Variants in CHL1 observed in about 807,000 individuals in gnomAD.
The protein encoded by CHL1 is cell adhesion molecule L1 like.
In CHL1, 96 loss-of-function variants were observed where a neutral mutation model predicts 141.9. That is an observed-to-expected ratio of 0.68 (90% CI 0.57 to 0.80). The LOEUF is 0.80. CHL1 is among the 30% of genes least tolerant of loss of function. The probability of loss-of-function intolerance (pLI) is 0.00; values close to 1 mark genes in which losing one functional copy is unlikely to be tolerated. For missense variants in CHL1, 1,820 were observed against 1,457.2 expected, an observed-to-expected ratio of 1.25 and a Z score of -4.05; for synonymous variants, 613 against 502.2, an observed-to-expected ratio of 1.22 and a Z score of -2.95.
intron 5 of CHL1, among the ~76,000 whole-genome samples, chr3:330,389 T>C (rs908289261): frequency 4.6e-5 from 7 of 152,008 alleles, no homozygotes; most frequent in Admixed American, 4.6e-4. Context: ...ACATAAAGGA[T>C]GAAAATTAAT....
At chr3:345,405 A>G (rs1431889519) in intron 9 of CHL1, among the ~76,000 whole-genome samples, 1 of 152,160 alleles carries the variant, frequency 6.6e-6, no homozygotes, top group African/African-American at 2.4e-5. Context: ...TCAAAATCTA[A>G]TTAAGTGAAC....
chr3:371,283 G>C (rs1348046405), intron 15 of CHL1, among the ~76,000 whole-genome samples: 3 of 152,156 alleles, frequency 2.0e-5, no homozygotes, highest in Non-Finnish European at 4.4e-5. Context: ...ATGAATCTGG[G>C]TGCTCCTGTA....
chr3:224,226 T>C (rs1258699912), intron 1 of CHL1, among the ~76,000 whole-genome samples: 1 of 152,126 alleles, frequency 6.6e-6, no homozygotes, highest in Non-Finnish European at 1.5e-5. Context: ...ATCCTTGTTT[T>C]AAAGTTAAAC....
intron 18 of CHL1, 40 bp downstream of exon 18, chr3:382,711 G>GT: frequency 6.5e-7 from 1 of 1,548,534 alleles, no homozygotes; most frequent in Non-Finnish European, 8.9e-7. Context: ...CAAAATATTT[G>GT]TTTGTCCCCA....
chr3:326,101 C>T (rs368140714), intron 4 of CHL1, 37 bp downstream of exon 4: 51 of 1,281,388 alleles, frequency 4.0e-5, no homozygotes, highest in East Asian at 2.1e-4. Context: ...TCTTTAAATG[C>T]GTGCTGTTCT....
chr3:241,631 G>C (rs1420439009), intron 1 of CHL1, among the ~76,000 whole-genome samples: 1 of 150,952 alleles, frequency 6.6e-6, no homozygotes, highest in Non-Finnish European at 1.5e-5. Context: ...AATTTAACTA[G>C]TTTTTTTGTG....
At chr3:359,780 A>G (rs1429712397) in intron 11 of CHL1, among the ~76,000 whole-genome samples, 2 of 152,226 alleles carry the variant, frequency 1.3e-5, no homozygotes, top group East Asian at 1.9e-4. Context: ...ATAGTGAAGC[A>G]AGGCAAATGA....
At chr3:336,672 C>A (rs1441818236) in intron 5 of CHL1, among the ~76,000 whole-genome samples, 2 of 152,138 alleles carry the variant, frequency 1.3e-5, no homozygotes, top group Admixed American at 1.3e-4. Flanking sequence ...GGGCTAGAAC[C>A]TAGTTTATGC....
intron 3 of CHL1, among the ~76,000 whole-genome samples, chr3:323,812 C>A (rs566655449): frequency 2.1e-3 from 314 of 152,168 alleles, no homozygotes; most frequent in Non-Finnish European, 3.7e-3. Flanking sequence ...CTGCAGTGAG[C>A]AATGATCCTG....
chr3:268,109 AC>A (rs1273688035), intron 2 of CHL1, among the ~76,000 whole-genome samples: 6 of 152,232 alleles, frequency 3.9e-5, no homozygotes, highest in Non-Finnish European at 7.3e-5. Context: ...TTCAATAGAT[AC>A]AATCCTTTAC....
chr3:332,775 T>C (rs901318830), intron 5 of CHL1, among the ~76,000 whole-genome samples: 6 of 152,172 alleles, frequency 3.9e-5, no homozygotes, highest in Non-Finnish European at 8.8e-5. Flanking sequence ...TTAAACTGTA[T>C]ATTACATTTA....
At chr3:305,416 T>A (rs1018486649) in intron 2 of CHL1, among the ~76,000 whole-genome samples, 1 of 152,060 alleles carries the variant, frequency 6.6e-6, no homozygotes, top group Admixed American at 6.5e-5. Flanking sequence ...AATGTTGACA[T>A]GATTAAGAAC....
At chr3:289,977 C>T (rs1240925135) in intron 2 of CHL1, among the ~76,000 whole-genome samples, 1 of 146,150 alleles carries the variant, frequency 6.8e-6, no homozygotes, top group Non-Finnish European at 1.5e-5. Flanking sequence ...CTCTATCACC[C>T]AGGGTGGAGT....
At chr3:256,945 C>A (rs761235344) in intron 2 of CHL1, among the ~76,000 whole-genome samples, 2 of 152,140 alleles carry the variant, frequency 1.3e-5, no homozygotes, top group African/African-American at 2.4e-5. Context: ...GGTTGCCTTT[C>A]CATGGAAATT....
intron 2 of CHL1, among the ~76,000 whole-genome samples, chr3:316,572 A>G (rs963913947): frequency 6.6e-6 from 1 of 152,000 alleles, no homozygotes; most frequent in Non-Finnish European, 1.5e-5. Flanking sequence ...ATCTGAGTTG[A>G]TATCATTAAT....
At chr3:401,975 G>A (rs898121635) in intron 27 of CHL1, among the ~76,000 whole-genome samples, 8 of 152,254 alleles carry the variant, frequency 5.3e-5, no homozygotes, top group African/African-American at 1.7e-4. Flanking sequence ...TCTATTTGGG[G>A]TAGCTAAAAC....
At chr3:239,442 G>A (rs1372244253) in intron 1 of CHL1, among the ~76,000 whole-genome samples, 1 of 152,150 alleles carries the variant, frequency 6.6e-6, no homozygotes, top group East Asian at 1.9e-4. Flanking sequence ...TCTTTTGACA[G>A]ACACTGTGGT....
At chr3:256,377 T>A (rs1257751088) in intron 2 of CHL1, among the ~76,000 whole-genome samples, 3 of 152,188 alleles carry the variant, frequency 2.0e-5, no homozygotes, top group African/African-American at 7.2e-5. Flanking sequence ...AAGTGGTAAC[T>A]TAACACAGAA....
chr3:338,777 G>T (rs948927113), intron 5 of CHL1, among the ~76,000 whole-genome samples: 1 of 152,068 alleles, frequency 6.6e-6, no homozygotes, highest in Non-Finnish European at 1.5e-5. Context: ...TTTATTGTTG[G>T]TGCCTTAGAA....
Sources: gnomAD v4.1 joint callset for allele counts (sites outside exome capture counted in the v4.1 genomes callset) on GRCh38, gnomAD v4.1.1 for gene constraint, MANE v1.5 for transcripts, NCBI Gene and HGNC (gene_info 2026-07-23, HGNC 2026-07-21) for gene names.